SLIT3: variants seen among roughly 807,000 people sequenced by gnomAD.
SLIT3 encodes the protein slit guidance ligand 3, also known as slit homolog 3 protein.
A neutral mutation model predicts 184.0 loss-of-function variants in SLIT3; 68 were observed. The observed-to-expected ratio is 0.37, with a 90% CI of 0.30 to 0.45. The LOEUF (loss-of-function observed/expected upper bound fraction) is 0.45. Among genes scored for constraint, SLIT3 ranks in the 20% least tolerant of loss-of-function variants. The pLI is 1.00. For missense variants in SLIT3, 1,707 were observed against 2,026.0 expected, an observed-to-expected ratio of 0.84 and a Z score of 3.02; for synonymous variants, 831 against 828.6, an observed-to-expected ratio of 1.00 and a Z score of -0.05.
At chr5:168,770,301 C>T (rs367732321) in intron 14 of SLIT3, among the ~76,000 whole-genome samples, 10 of 152,338 alleles carry the variant, frequency 6.6e-5, no homozygotes, top group South Asian at 4.1e-4. Flanking sequence ...GGATGTGTTA[C>T]GGAGCAGCCC....
intron 5 of SLIT3, among the ~76,000 whole-genome samples, chr5:168,860,554 G>C (rs1759066260): frequency 6.6e-6 from 1 of 152,068 alleles, no homozygotes; most frequent in Non-Finnish European, 1.5e-5. Flanking sequence ...GCAGGGGAGA[G>C]AGACTGCCCC....
chr5:168,965,364 G>A (rs895861351), intron 4 of SLIT3, among the ~76,000 whole-genome samples: 4 of 152,144 alleles, frequency 2.6e-5, no homozygotes, highest in East Asian at 3.9e-4. Flanking sequence ...CAGAAAGATG[G>A]GTTTTGAAAT....
intron 4 of SLIT3, among the ~76,000 whole-genome samples, chr5:168,966,578 C>G (rs371590816): frequency 6.6e-6 from 1 of 152,288 alleles, no homozygotes; most frequent in East Asian, 1.9e-4. Flanking sequence ...ACATATTACA[C>G]CTGGTGGTGA....
At chr5:169,183,828 A>G (rs1763246644) in intron 4 of SLIT3, among the ~76,000 whole-genome samples, 1 of 152,246 alleles carries the variant, frequency 6.6e-6, no homozygotes, top group Non-Finnish European at 1.5e-5. Context: ...AATATCAACC[A>G]GATGTGGCAA....
chr5:169,095,490 T>C (rs1759743487), intron 4 of SLIT3, among the ~76,000 whole-genome samples: 1 of 152,104 alleles, frequency 6.6e-6, no homozygotes, highest in South Asian at 2.1e-4. Context: ...GGTATGAGGG[T>C]ATTGAGAAGA....
chr5:168,801,960 C>T (rs750048802), intron 9 of SLIT3, among the ~76,000 whole-genome samples: 3 of 152,124 alleles, frequency 2.0e-5, no homozygotes, highest in South Asian at 2.1e-4. Flanking sequence ...GCAACCCCCT[C>T]CCCTTCCCCT....
chr5:168,936,437 G>A (rs555476536), intron 4 of SLIT3, among the ~76,000 whole-genome samples: 79 of 152,152 alleles, frequency 5.2e-4, no homozygotes, highest in Non-Finnish European at 9.4e-4. Context: ...GTTTCACCAT[G>A]TTGGTCAGTC....
intron 21 of SLIT3, among the ~76,000 whole-genome samples, chr5:168,723,240 C>T (rs1408014169): frequency 6.6e-6 from 1 of 151,982 alleles, no homozygotes; most frequent in Non-Finnish European, 1.5e-5. Context: ...TCTACCCACC[C>T]ACCCACTTAC....
intron 4 of SLIT3, among the ~76,000 whole-genome samples, chr5:169,009,713 C>G (rs1756068390): frequency 6.6e-6 from 1 of 152,182 alleles, no homozygotes; most frequent in Admixed American, 6.5e-5. Flanking sequence ...GCACTTACTT[C>G]AGGTAAGACA....
At chr5:169,193,003 C>T (rs1763606103) in intron 4 of SLIT3, among the ~76,000 whole-genome samples, 1 of 152,180 alleles carries the variant, frequency 6.6e-6, no homozygotes, top group African/African-American at 2.4e-5. Context: ...CATAAACCCC[C>T]AGACCCAGGG....
rs767248806 is a variant in SLIT3, at chr5:168,669,985, G to T, written c.4134C>A (p.His1378Gln). The change falls in exon 35 of 36, where the codon CAC (histidine) becomes CAA (glutamine). Residue 1378 changes from histidine (H) to glutamine (Q), a missense_variant. By Grantham distance (24) the His-to-Gln change is conservative. Around this residue, in one of 3 missense-constraint regions of SLIT3, gnomAD observed 387 missense variants for 477.9 expected, o/e 0.81. Coordinates refer to ENST00000519560, the MANE Select transcript of SLIT3 (RefSeq NM_003062.4). ...ARDPCLGHRC[H>Q]HGKCVATGTS... ...TCCCAGTTGCCACACATTTTCCATG[G>T]TGGCATCTAGGGGCAGAGAGGAGGA... 3 of 1,614,030 alleles carry T rather than the reference G, an allele frequency of 1.9e-6. No individual in the cohort carries two copies. Among genetic ancestry groups the T allele is most frequent in the Non-Finnish European group, 2.5e-6 (3 of 1,179,912 alleles).
At chr5:168,807,500 A>AT (rs1757010833) in intron 8 of SLIT3, among the ~76,000 whole-genome samples, 1 of 152,256 alleles carries the variant, frequency 6.6e-6, no homozygotes. Context: ...CCAAATGTGG[A>AT]TTTTTTGGTC....
chr5:168,730,979 G>A (rs1403743201), intron 20 of SLIT3, among the ~76,000 whole-genome samples: 1 of 151,708 alleles, frequency 6.6e-6, no homozygotes, highest in East Asian at 1.9e-4. Flanking sequence ...TAATACAGAA[G>A]ATTAACAAAA....
chr5:168,967,435 A>ATATTTTTTTTTTTTTTTTT (rs556216624), intron 4 of SLIT3, among the ~76,000 whole-genome samples: 1 of 30,760 alleles, frequency 3.3e-5, no homozygotes, highest in Non-Finnish European at 6.1e-5. Flanking sequence ...GCCATCTCAA[A>ATATTTTTTTTTTTTTTTTT]TCTTTTTTTT....
chr5:168,949,289 C>T (rs6555837), intron 4 of SLIT3, among the ~76,000 whole-genome samples: 60,532 of 151,988 alleles, frequency 0.4, 12,664 homozygotes, highest in African/African-American at 0.52. Flanking sequence ...TCATGGGGAC[C>T]GTTCAGCGTC....
At chr5:169,066,981 AAAGAC>A (rs1581370421) in intron 4 of SLIT3, among the ~76,000 whole-genome samples, 3 of 151,286 alleles carry the variant, frequency 2.0e-5, no homozygotes, top group Non-Finnish European at 4.4e-5. Context: ...ATACATGCCT[AAAGAC>A]AAGAAGAACA....
chr5:168,975,686 A>G (rs910355927), intron 4 of SLIT3, among the ~76,000 whole-genome samples: 18 of 152,154 alleles, frequency 1.2e-4, no homozygotes, highest in African/African-American at 4.3e-4. Context: ...TTTCTGTAGG[A>G]TTCTGTTTCT....
At chr5:168,864,840 C>A (rs929902742) in intron 5 of SLIT3, among the ~76,000 whole-genome samples, 2 of 152,174 alleles carry the variant, frequency 1.3e-5, no homozygotes, top group Non-Finnish European at 2.9e-5. Context: ...TATTTGCCAT[C>A]ATTGTTGTTA....
intron 3 of SLIT3, among the ~76,000 whole-genome samples, chr5:169,212,615 T>G (rs58344821): frequency 0.31 from 46,569 of 152,114 alleles, 8,124 homozygotes; most frequent in East Asian, 0.69. Flanking sequence ...GCTCTTTAGT[T>G]TAATTAGATC....
Sources: allele counts gnomAD v4.1 joint callset (sites outside exome capture counted in the v4.1 genomes callset), GRCh38; gene constraint gnomAD v4.1.1; regional missense constraint gnomAD v4.1.1; transcripts MANE v1.5; gene names NCBI Gene and HGNC (gene_info 2026-07-23, HGNC 2026-07-21).